Variants in SVOPL observed in about 807,000 individuals in gnomAD.
The protein encoded by SVOPL is SVOP like, also known as putative transporter SVOPL.
A neutral mutation model predicts 61.0 loss-of-function variants in SVOPL; 60 were observed. The ratio of observed to expected loss-of-function variants is 0.98; its 90% CI spans 0.80 to 1.22. The LOEUF (loss-of-function observed/expected upper bound fraction) is 1.22. Among genes scored for constraint, SVOPL ranks in the 50% most tolerant of loss-of-function variants. SVOPL has a pLI of 0.00. For missense variants in SVOPL, 662 were observed against 643.9 expected (o/e 1.03, Z -0.30); for synonymous variants, 279 against 250.0 (o/e 1.12, Z -1.09).
rs143755972 is a variant in SVOPL, at chr7:138,649,056, G to A, written c.616C>T (p.Arg206Cys). 1.8e-5 allele frequency: 29 copies of A among 1,613,712 alleles called. No homozygotes were observed. In the African/African-American group the frequency reaches 1.9e-4, roughly 10 times the overall value. Residue 206 changes from arginine to cysteine, a missense_variant, in exon 8 of 16, where the codon CGC becomes TGC. Coordinates refer to ENST00000674285, the MANE Select transcript of SVOPL (RefSeq NM_001139456.2). ...IPTIGWRWLIRVASIPGIILI... is the reference protein window; with the variant it reads ...IPTIGWRWLICVASIPGIILI... Reference sequence around the variant, plus strand: ...ATGATGCCCGGGATGGAGGCGACGCGAATGAGCCAGCGCCACCCGATGGTG... The same window carrying A: ...ATGATGCCCGGGATGGAGGCGACGCAAATGAGCCAGCGCCACCCGATGGTG...
intron 7 of SVOPL, among the ~76,000 whole-genome samples, chr7:138,650,128 C>T (rs1228983606): frequency 6.6e-6 from 1 of 152,168 alleles, no homozygotes; most frequent in Non-Finnish European, 1.5e-5. Context: ...CTGCATCCAG[C>T]AAAATTCTTA....
chr7:138,675,870 G>T (rs1445958864), intron 3 of SVOPL, among the ~76,000 whole-genome samples: 1 of 152,080 alleles, frequency 6.6e-6, no homozygotes, highest in African/African-American at 2.4e-5. Context: ...CCAAAGTCTT[G>T]CTCTGTTGCC....
intron 14 of SVOPL, among the ~76,000 whole-genome samples, chr7:138,600,974 G>A (rs187936177): frequency 3.0e-4 from 46 of 152,190 alleles, no homozygotes; most frequent in Non-Finnish European, 4.3e-4. Context: ...AAAATAGGCC[G>A]GGCGCGGTGG....
chr7:138,650,260 G>A (rs772861912), intron 7 of SVOPL, among the ~76,000 whole-genome samples: 4 of 152,142 alleles, frequency 2.6e-5, no homozygotes, highest in African/African-American at 4.8e-5. Flanking sequence ...TCTAATAATA[G>A]AGGGTGTGTT....
At chr7:138,651,402 A>G (rs1801426037) in intron 7 of SVOPL, among the ~76,000 whole-genome samples, 1 of 152,198 alleles carries the variant, frequency 6.6e-6, no homozygotes, top group Non-Finnish European at 1.5e-5. Flanking sequence ...CCGAAGAACA[A>G]TCAACCAGCC....
intron 6 of SVOPL, among the ~76,000 whole-genome samples, chr7:138,657,177 A>G (rs1166358356): frequency 7.7e-6 from 1 of 129,636 alleles, no homozygotes; most frequent in Non-Finnish European, 1.7e-5. Flanking sequence ...TTTATTTTAG[A>G]GACAAGGTCT....
At chr7:138,663,209 A>G (rs550689169) in intron 4 of SVOPL, 64 bp from the exon 5 acceptor site, 14 of 1,572,806 alleles carry the variant, frequency 8.9e-6, no homozygotes, top group Non-Finnish European at 1.2e-5. Context: ...TTACCCCGTT[A>G]GCCATTTTCA....
chr7:138,674,160 C>G (rs1584861962), intron 3 of SVOPL, among the ~76,000 whole-genome samples: 1 of 151,660 alleles, frequency 6.6e-6, no homozygotes, highest in African/African-American at 2.4e-5. Flanking sequence ...TGCACTCCAG[C>G]CTGAGCAACA....
At chr7:138,683,384 T>C (rs933994206) in intron 1 of SVOPL, among the ~76,000 whole-genome samples, 3 of 152,086 alleles carry the variant, frequency 2.0e-5, no homozygotes, top group African/African-American at 2.4e-5. Flanking sequence ...TGGGGTTTTT[T>C]TGAGATGGAG....
At chr7:138,662,732 C>T in intron 5 of SVOPL, 4 of 1,102,052 alleles carry the variant, frequency 3.6e-6, no homozygotes, top group Non-Finnish European at 2.2e-6. Flanking sequence ...ATCTAACCAA[C>T]CCATGACTGC....
intron 3 of SVOPL, among the ~76,000 whole-genome samples, chr7:138,676,128 GC>G (rs1802553678): frequency 6.6e-6 from 1 of 152,206 alleles, no homozygotes; most frequent in Non-Finnish European, 1.5e-5. Context: ...GAGCCACAGT[GC>G]CTGGTCTGGA....
At chr7:138,693,430 G>C (rs544975525) in intron 1 of SVOPL, among the ~76,000 whole-genome samples, 56 of 150,466 alleles carry the variant, frequency 3.7e-4, no homozygotes, top group African/African-American at 1.2e-3. Flanking sequence ...TTGAGCCTAG[G>C]AGTTCCAATC....
At chr7:138,632,861 T>C (rs1800278930) in intron 9 of SVOPL, among the ~76,000 whole-genome samples, 1 of 152,232 alleles carries the variant, frequency 6.6e-6, no homozygotes, top group Admixed American at 6.5e-5. Context: ...TGTACTCAGC[T>C]ATCTTATAAT....
At chr7:138,680,995 A>C (rs1450823030) in intron 1 of SVOPL, among the ~76,000 whole-genome samples, 1 of 152,044 alleles carries the variant, frequency 6.6e-6, no homozygotes, top group Non-Finnish European at 1.5e-5. Flanking sequence ...TATTGGTATC[A>C]TCAGTTGCAT....
chr7:138,608,960 C>T (rs945171720), intron 14 of SVOPL, among the ~76,000 whole-genome samples: 1 of 152,062 alleles, frequency 6.6e-6, no homozygotes, highest in Non-Finnish European at 1.5e-5. Flanking sequence ...ACCCACCCAC[C>T]CACACATATA....
rs532665239 is a variant in SVOPL at position 138,646,105 on chromosome 7, C to T, written c.661-1260G>A. The T allele has an allele frequency of 1.1e-4, 21 of 190,706 alleles. No individual in the cohort carries two copies. The South Asian group carries it at 1.1e-3, about 10-fold the overall frequency. 11.8% of individuals were successfully genotyped at this position (190,706 alleles called of 1,614,324 possible). A position where few individuals can be genotyped will look rare whatever the true frequency, so the allele number is the denominator to read the frequency against. ...CTGGGATTACAGGCGTGAGCTACCG[C>T]GCCCGGCTGGCTTGTTTTTCTGATC... On this transcript the variant is annotated intron_variant, in intron 8 of 15. Transcript: ENST00000674285.
intron 1 of SVOPL, among the ~76,000 whole-genome samples, chr7:138,687,991 CA>C (rs1802857649): frequency 6.6e-6 from 1 of 151,754 alleles, no homozygotes; most frequent in South Asian, 2.1e-4. Context: ...TTAGTAGAGA[CA>C]AGGTTTCACC....
chr7:138,686,976 A>G (rs1280019815), intron 1 of SVOPL, among the ~76,000 whole-genome samples: 1 of 152,172 alleles, frequency 6.6e-6, no homozygotes, highest in African/African-American at 2.4e-5. Context: ...ATATTCCCAG[A>G]TGGGAAAAAG....
At chr7:138,614,734 C>T (rs569596207) in intron 14 of SVOPL, among the ~76,000 whole-genome samples, 9 of 152,022 alleles carry the variant, frequency 5.9e-5, no homozygotes, top group African/African-American at 2.2e-4. Flanking sequence ...GTTGAAGGGA[C>T]GAGGCTGGAG....
Sources: allele counts gnomAD v4.1 joint callset (sites outside exome capture counted in the v4.1 genomes callset), GRCh38; gene constraint gnomAD v4.1.1; transcripts MANE v1.5; gene names NCBI Gene and HGNC (gene_info 2026-07-23, HGNC 2026-07-21).